The following DGKB variants were observed in gnomAD, a reference collection of about 807,000 sequenced individuals.
The protein encoded by DGKB is diacylglycerol kinase beta.
DGKB carries 67 observed loss-of-function variants against 114.3 expected under a neutral mutation model. The observed-to-expected ratio is 0.59, with a 90% CI of 0.48 to 0.72. DGKB has a LOEUF of 0.72. DGKB is among the 30% of genes least tolerant of loss of function. The pLI is 0.00. For synonymous variants in DGKB, 398 were observed against 323.1 expected (o/e 1.23, Z -2.49); for missense variants, 907 against 975.2 (o/e 0.93, Z 0.93).
At chr7:14,299,430 A>C (rs948343911) in intron 23 of DGKB, among the ~76,000 whole-genome samples, 4 of 152,154 alleles carry the variant, frequency 2.6e-5, no homozygotes, top group African/African-American at 7.2e-5. Context: ...ACTCAATATC[A>C]AATGAATGGA....
chr7:14,778,232 T>G (rs879879078), intron 2 of DGKB, among the ~76,000 whole-genome samples: 1 of 152,222 alleles, frequency 6.6e-6, no homozygotes, highest in Non-Finnish European at 1.5e-5. Flanking sequence ...TTGGAACTTA[T>G]TGTTATTTTA....
intron 13 of DGKB, among the ~76,000 whole-genome samples, chr7:14,670,214 G>T (rs1339887046): frequency 6.6e-6 from 1 of 151,944 alleles, no homozygotes; most frequent in Non-Finnish European, 1.5e-5. Context: ...ACCCTTGTGT[G>T]TGTGCATGTG....
At chr7:14,372,751 A>G (rs9654935) in intron 21 of DGKB, among the ~76,000 whole-genome samples, 314 of 152,264 alleles carry the variant, frequency 2.1e-3, no homozygotes, top group African/African-American at 7.1e-3. Flanking sequence ...CTGGAAAACT[A>G]TATATAAATA....
intron 23 of DGKB, among the ~76,000 whole-genome samples, chr7:14,323,592 G>C (rs1808210492): frequency 1.3e-5 from 2 of 152,194 alleles, no homozygotes; most frequent in Non-Finnish European, 2.9e-5. Flanking sequence ...GAGAAGCCAT[G>C]CGAAGCCATG....
At chr7:14,494,547 A>C (rs1415982548) in intron 20 of DGKB, among the ~76,000 whole-genome samples, 1 of 151,896 alleles carries the variant, frequency 6.6e-6, no homozygotes, top group African/African-American at 2.4e-5. Context: ...GGTTAACCAC[A>C]CTTATGGCTT....
chr7:14,756,905 C>T (rs1222150778), intron 3 of DGKB, among the ~76,000 whole-genome samples: 5 of 151,830 alleles, frequency 3.3e-5, no homozygotes, highest in Admixed American at 2.6e-4. Flanking sequence ...TAATGATGAT[C>T]GAACATTTAA....
At chr7:14,416,432 T>C (rs1249363963) in intron 21 of DGKB, among the ~76,000 whole-genome samples, 1 of 152,120 alleles carries the variant, frequency 6.6e-6, no homozygotes, top group African/African-American at 2.4e-5. Flanking sequence ...ATTTATATTA[T>C]GGGTTATGAC....
chr7:14,213,181 A>G (rs1040234079), intron 23 of DGKB, among the ~76,000 whole-genome samples: 2 of 152,100 alleles, frequency 1.3e-5, no homozygotes, highest in Non-Finnish European at 2.9e-5. Context: ...CTATTTTCGT[A>G]TATATATCAA....
At chr7:14,630,196 C>A in intron 14 of DGKB, 40 bp downstream of exon 14, 2 of 1,439,858 alleles carry the variant, frequency 1.4e-6, no homozygotes, top group Non-Finnish European at 1.9e-6. Flanking sequence ...GTATAATGAC[C>A]TATAATTTTA....
intron 23 of DGKB, among the ~76,000 whole-genome samples, chr7:14,199,289 A>G (rs1454128040): frequency 6.6e-6 from 1 of 152,084 alleles, no homozygotes; most frequent in Non-Finnish European, 1.5e-5. Flanking sequence ...GATGAAAGAC[A>G]TTTGGCTACA....
upstream of DGKB, among the ~76,000 whole-genome samples, chr7:14,903,922 A>AT (rs1783495874): frequency 1.3e-5 from 2 of 152,170 alleles, no homozygotes; most frequent in South Asian, 4.2e-4. Flanking sequence ...TATCTATATA[A>AT]TATTCTCAAT....
At chr7:14,388,667 T>G (rs969318448) in intron 21 of DGKB, among the ~76,000 whole-genome samples, 2 of 152,054 alleles carry the variant, frequency 1.3e-5, no homozygotes, top group Non-Finnish European at 1.5e-5. Flanking sequence ...ATAAGTAAAT[T>G]AGTAAATTCC....
chr7:14,945,079 G>A (rs1012562840), intron 1 of DGKB, among the ~76,000 whole-genome samples: 2 of 151,522 alleles, frequency 1.3e-5, no homozygotes, highest in Non-Finnish European at 3.0e-5. Context: ...ACATGAAAGT[G>A]GGAATAACCT....
chr7:14,882,291 G>A (rs1240035764), intron 1 of DGKB, among the ~76,000 whole-genome samples: 1 of 152,040 alleles, frequency 6.6e-6, no homozygotes, highest in Non-Finnish European at 1.5e-5. Context: ...GACAGTCAGA[G>A]TTTATACCAG....
chr7:14,588,431 CAG>C (rs1341836159), intron 17 of DGKB, among the ~76,000 whole-genome samples: 2 of 152,052 alleles, frequency 1.3e-5, no homozygotes, highest in Non-Finnish European at 2.9e-5. Context: ...CTTCCTTACT[CAG>C]AGCTCAGAAT....
intron 23 of DGKB, among the ~76,000 whole-genome samples, chr7:14,290,392 G>GAGAT (rs1801576130): frequency 6.6e-6 from 1 of 151,868 alleles, no homozygotes; most frequent in Middle Eastern, 3.2e-3. Flanking sequence ...ATGAGAGAGA[G>GAGAT]AGATACAATA....
intron 25 of DGKB, among the ~76,000 whole-genome samples, chr7:14,151,546 C>T (rs1001620094): frequency 1.3e-5 from 2 of 151,804 alleles, no homozygotes; most frequent in Admixed American, 6.6e-5. Context: ...ACAATGGGAC[C>T]TTTAATCTAT....
chr7:14,394,102 A>T (rs141330197), intron 21 of DGKB, among the ~76,000 whole-genome samples: 2 of 152,198 alleles, frequency 1.3e-5, no homozygotes, highest in African/African-American at 4.8e-5. Flanking sequence ...GGAAAAGATC[A>T]ATTAGGTCAT....
chr7:14,971,082 G>A (rs1026095553), intron 1 of DGKB, among the ~76,000 whole-genome samples: 1 of 152,092 alleles, frequency 6.6e-6, no homozygotes, highest in African/African-American at 2.4e-5. Context: ...ACAGAACTAA[G>A]TCAGAGTTCT....
Sources: gnomAD v4.1 joint callset for allele counts (sites outside exome capture counted in the v4.1 genomes callset) on GRCh38, gnomAD v4.1.1 for gene constraint, MANE v1.5 for transcripts, NCBI Gene and HGNC (gene_info 2026-07-23, HGNC 2026-07-21) for gene names.